ABAT: variants seen among roughly 807,000 people sequenced by gnomAD.
ABAT encodes 4-aminobutyrate aminotransferase.
A neutral mutation model predicts 64.6 loss-of-function variants in ABAT; 45 were observed. The observed-to-expected ratio is 0.70, with a 90% CI of 0.55 to 0.89. The LOEUF is 0.89. Among genes scored for constraint, ABAT ranks in the 40% least tolerant of loss-of-function variants. The pLI is 0.00. For synonymous variants in ABAT, 297 were observed against 250.5 expected, an observed-to-expected ratio of 1.19 and a Z score of -1.75; for missense variants, 633 against 658.4, an observed-to-expected ratio of 0.96 and a Z score of 0.42.
chr16:8,714,824 A>C (rs940326843), intron 1 of ABAT: 2 of 152,388 alleles, frequency 1.3e-5, no homozygotes, highest in African/African-American at 4.8e-5. Flanking sequence ...GGGAGTTTCC[A>C]GTTCAAATAG....
intron 1 of ABAT, among the ~76,000 whole-genome samples, chr16:8,696,103 T>C (rs1014908068): frequency 2.0e-5 from 3 of 152,166 alleles, no homozygotes; most frequent in African/African-American, 7.2e-5. Context: ...ATTGCAGCCA[T>C]AGTACAGGAC....
At chr16:8,678,976 G>T (rs530233829) in intron 1 of ABAT, among the ~76,000 whole-genome samples, 1 of 152,220 alleles carries the variant, frequency 6.6e-6, no homozygotes, top group South Asian at 2.1e-4. Flanking sequence ...ACATATTCCT[G>T]GGGGAAGAAG....
intron 1 of ABAT, among the ~76,000 whole-genome samples, chr16:8,686,233 C>T (rs1464934833): frequency 6.6e-6 from 1 of 152,222 alleles, no homozygotes; most frequent in Non-Finnish European, 1.5e-5. Context: ...AAAATGCACA[C>T]ACCAAGGAGC....
chr16:8,744,667 C>A (rs541634039), intron 2 of ABAT, among the ~76,000 whole-genome samples: 100 of 152,166 alleles, frequency 6.6e-4, no homozygotes, highest in Non-Finnish European at 1.0e-3. Context: ...GGTGCCCAGC[C>A]AGCCACACAC....
rs1263253313 is a variant in ABAT, at chr16:8,776,992, G to A, written c.1269+502G>A. On this transcript the variant is annotated intron_variant, in intron 14 of 15. Coordinates refer to ENST00000268251, the MANE Select transcript of ABAT (RefSeq NM_020686.6). The surrounding 1 kb of genome is among the most constrained non-coding windows in gnomAD (Gnocchi z 4.4). ...CAGCTCACCGCAACCGCTGCCTCCT[G>A]GGTTCAGGAGATTCTCCGGCCTCAG... is the stretch of plus-strand genomic sequence containing the variant. Among the ~76,000 whole-genome samples, 2 of 152,174 alleles carry A rather than the reference G, an allele frequency of 1.3e-5. No homozygotes were observed. Among genetic ancestry groups the A allele is most frequent in the African/African-American group, 4.8e-5 (2 of 41,446 alleles).
chr16:8,698,660 A>G (rs1273377), intron 1 of ABAT, among the ~76,000 whole-genome samples: 11,046 of 151,318 alleles, frequency 0.073, 546 homozygotes, highest in Middle Eastern at 0.19. Flanking sequence ...TAGTGCTGCA[A>G]TTGGCAGGGC....
intron 11 of ABAT, 69 bp downstream of exon 11, chr16:8,769,042 G>A: frequency 6.2e-7 from 1 of 1,603,716 alleles, no homozygotes; most frequent in Non-Finnish European, 8.5e-7. Context: ...CAAGACTTGG[G>A]GAGAAGAGAA....
chr16:8,674,864 G>A (rs1346515771), intron 1 of ABAT, among the ~76,000 whole-genome samples, 153 bp downstream of exon 1: 1 of 152,138 alleles, frequency 6.6e-6, no homozygotes, highest in African/African-American at 2.4e-5. Flanking sequence ...CCCCCGAAAA[G>A]ACAGGGGCTC....
intron 1 of ABAT, among the ~76,000 whole-genome samples, chr16:8,699,569 T>A (rs1375946715): frequency 6.6e-6 from 1 of 151,176 alleles, no homozygotes; most frequent in Non-Finnish European, 1.5e-5. Flanking sequence ...AAAACAATAA[T>A]AAAATAAAAT....
intron 1 of ABAT, among the ~76,000 whole-genome samples, chr16:8,730,618 A>G (rs1348644028): frequency 6.6e-6 from 1 of 152,104 alleles, no homozygotes; most frequent in Non-Finnish European, 1.5e-5. Context: ...TCACAGAAGC[A>G]GGGGGTGGGA....
rs142722977 is a variant in ABAT at position 8,781,713 on chromosome 16, T to C, written c.*283T>C. 155 of 511,284 alleles carry C rather than the reference T, an allele frequency of 3.0e-4. No individual in the cohort carries two copies. In the East Asian group the frequency reaches 5.0e-3, roughly 17 times the overall value. The allele number at this position is 511,284 out of a possible 1,614,324, so 31.7% of individuals were successfully genotyped here. On this transcript the variant is annotated 3_prime_UTR_variant, in exon 16 of 16. Coordinates refer to ENST00000268251, the MANE Select transcript of ABAT (RefSeq NM_020686.6). This position sits in a 1 kb window ranked among gnomAD's most constrained non-coding sequence, Gnocchi z 4.5. The stretch of plus-strand genomic sequence containing the variant: ...GGGAAGGGCCATGGGAGGTCCTGGC[T>C]AGAGTTCTGCCCAACCTTGACCAAC...
At chr16:8,700,326 A>G (rs1247182207) in intron 1 of ABAT, among the ~76,000 whole-genome samples, 1 of 152,172 alleles carries the variant, frequency 6.6e-6, no homozygotes, top group Non-Finnish European at 1.5e-5. Context: ...CTGTAAGTTG[A>G]TGAATAACTT....
In ABAT at chr16:8,766,381, G is replaced by A. The variant is rs571012422; in HGVS notation, c.603+111G>A. The A allele has an allele frequency of 1.3e-4, 139 of 1,059,696 alleles. No homozygotes were observed. In the African/African-American group the frequency reaches 1.4e-3, roughly 11 times the overall value. The allele number at this position is 1,059,696 out of a possible 1,614,324, so 65.6% of individuals were successfully genotyped here. On this transcript the variant is annotated intron_variant, in intron 9 of 15. Coordinates refer to ENST00000268251, the MANE Select transcript of ABAT (RefSeq NM_020686.6). ...TCAATTAGGAAGGGCCAGGCCAGGCGCGGTGGCTCATGCCTGTAATCCCAG... is the reference window on the plus strand; with the variant it reads ...TCAATTAGGAAGGGCCAGGCCAGGCACGGTGGCTCATGCCTGTAATCCCAG...
intron 4 of ABAT, among the ~76,000 whole-genome samples, chr16:8,749,105 T>A (rs1317054571): frequency 2.0e-5 from 3 of 151,352 alleles, no homozygotes; most frequent in Non-Finnish European, 2.9e-5. Context: ...TTTTTTTTTT[T>A]AGACGGAGTT....
chr16:8,773,141 C>T (rs1306918355), intron 12 of ABAT, among the ~76,000 whole-genome samples: 7 of 125,038 alleles, frequency 5.6e-5, no homozygotes, highest in African/African-American at 2.3e-4. Context: ...CACACACACA[C>T]ACACACATAT....
At chr16:8,724,822 A>C (rs2142227224) in intron 1 of ABAT, among the ~76,000 whole-genome samples, 1 of 149,900 alleles carries the variant, frequency 6.7e-6, no homozygotes, top group Non-Finnish European at 1.5e-5. Context: ...TTGAAGAATA[A>C]GTCTGTGTGA....
chr16:8,701,305 T>C (rs1028490106), intron 1 of ABAT, among the ~76,000 whole-genome samples: 1 of 151,826 alleles, frequency 6.6e-6, no homozygotes, highest in South Asian at 2.1e-4. Flanking sequence ...GAGCATATAG[T>C]AGTGAGCTGT....
chr16:8,726,063 ACCTCCCATTCAACCCG>A (rs1250866718), intron 1 of ABAT, among the ~76,000 whole-genome samples: 3 of 150,042 alleles, frequency 2.0e-5, no homozygotes, highest in African/African-American at 7.4e-5. Context: ...TTAACTATCC[ACCTCCCATTCAACCCG>A]CCACTACCCT....
At chr16:8,772,268 G>A (rs908442142) in intron 11 of ABAT, among the ~76,000 whole-genome samples, 1 of 69,854 alleles carries the variant, frequency 1.4e-5, no homozygotes, top group Admixed American at 1.3e-4. Context: ...GTGTGTGTGT[G>A]TGTGTGTGTG....
Sources: allele counts gnomAD v4.1 joint callset (sites outside exome capture counted in the v4.1 genomes callset), GRCh38; gene constraint gnomAD v4.1.1; non-coding constraint Gnocchi (gnomAD v3.1); transcripts MANE v1.5; gene names NCBI Gene and HGNC (gene_info 2026-07-23, HGNC 2026-07-21).